The following C9orf43 variants were observed in gnomAD, a reference collection of about 807,000 sequenced individuals.
C9orf43 encodes uncharacterized protein C9orf43.
C9orf43 carries 45 observed loss-of-function variants against 59.1 expected under a neutral mutation model. The observed-to-expected ratio is 0.76, with a 90% CI of 0.60 to 0.98. C9orf43 has a LOEUF of 0.98. Among genes scored for constraint, C9orf43 ranks in the 50% least tolerant of loss-of-function variants. The probability of loss-of-function intolerance (pLI) is 0.00; values close to 1 mark genes in which losing one functional copy is unlikely to be tolerated. For synonymous variants in C9orf43, 203 were observed against 196.8 expected, an observed-to-expected ratio of 1.03 and a Z score of -0.26; for missense variants, 533 against 554.9, an observed-to-expected ratio of 0.96 and a Z score of 0.40.
At position 113,429,185 on chromosome 9, in the gene C9orf43, T is replaced by G; in HGVS notation, c.1185T>G (p.Tyr395Ter). The G allele has an allele frequency of 6.2e-7, 1 of 1,614,118 alleles. No individual in the cohort carries two copies. Among genetic ancestry groups the G allele is most frequent in the Non-Finnish European group, 8.5e-7 (1 of 1,179,982 alleles). Reference protein sequence around the residue: ...FHHSVKSPELYETEPTNKDIS... With the variant: ...FHHSVKSPEL ...ATCTTCTTTTAGGTCCTGAATTGTA[T>G]GAAACAGAACCCACTAACAAGGACA... is the stretch of plus-strand genomic sequence containing the variant. Residue 395 changes from tyrosine to a stop codon, truncating the protein, a stop_gained, in exon 14 of 14, where the codon TAT becomes TAG. Coordinates refer to ENST00000374165, the MANE Select transcript of C9orf43 (RefSeq NM_001278629.2). LOFTEE classifies it low-confidence loss of function (END_TRUNC).
chr9:113,420,000 T>C (rs1015880964), intron 4 of C9orf43, among the ~76,000 whole-genome samples: 3 of 152,202 alleles, frequency 2.0e-5, no homozygotes, highest in Admixed American at 2.0e-4. Flanking sequence ...GGAACTGAGA[T>C]GGTAGATGGT....
At chr9:113,413,696 T>C in intron 2 of C9orf43, 52 bp downstream of exon 2, 1 of 1,611,886 alleles carries the variant, frequency 6.2e-7, no homozygotes, top group Non-Finnish European at 8.5e-7. Context: ...AACGTATTTA[T>C]GTATGTGGCT....
intron 11 of C9orf43, among the ~76,000 whole-genome samples, chr9:113,425,974 T>C (rs1828777997): frequency 6.6e-6 from 1 of 152,144 alleles, no homozygotes; most frequent in African/African-American, 2.4e-5. Context: ...ACCATGAACA[T>C]GAATCCCAGT....
chr9:113,419,328 T>C (rs1032666676), intron 4 of C9orf43, among the ~76,000 whole-genome samples, 163 bp downstream of exon 4: 10 of 152,232 alleles, frequency 6.6e-5, no homozygotes, highest in Admixed American at 4.6e-4. Flanking sequence ...TGCTAGACTC[T>C]GTGCTATCTA....
At chr9:113,422,780 T>G (rs542256432) in intron 6 of C9orf43, among the ~76,000 whole-genome samples, 195 bp downstream of exon 6, 1 of 152,154 alleles carries the variant, frequency 6.6e-6, no homozygotes, top group African/African-American at 2.4e-5. Context: ...CTCCTTCCTA[T>G]AGGGAGATGA....
intron 1 of C9orf43, among the ~76,000 whole-genome samples, chr9:113,411,540 C>T (rs1422416475): frequency 6.6e-6 from 1 of 152,082 alleles, no homozygotes; most frequent in Non-Finnish European, 1.5e-5. Context: ...ACCTCGTGAT[C>T]CGCCCGCCTC....
Position 113,429,263 on chromosome 9 carries a change from G to A in C9orf43, c.1263G>A (p.Lys421=), listed in dbSNP as rs1345592378. Residue 421 remains lysine (K), a synonymous_variant, in exon 14 of 14, where the codon AAG becomes AAA. Transcript: ENST00000374165. The stretch of plus-strand genomic sequence containing the variant: ...AAGCCCAGGCTGCCAGGCAAAAGAA[G>A]ATCTCCTTTAACTTTTCAGAAATTA... ...VPEAQAARQK[K]ISFNFSEIMA... The A allele has an allele frequency of 3.1e-6, 5 of 1,614,114 alleles. No homozygotes were observed. The highest frequency in any genetic ancestry group is 4.2e-6 in the Non-Finnish European group (5 of 1,180,044).
chr9:113,428,197 A>G lies in C9orf43; in HGVS notation c.1081A>G (p.Met361Val), dbSNP rs777938353. 3 of 1,614,210 alleles carry G rather than the reference A, an allele frequency of 1.9e-6. No homozygotes were observed. The highest frequency in any genetic ancestry group is 2.5e-6 in the Non-Finnish European group (3 of 1,180,024). ...CAGTGACATGAAGCAGCAGCAGCAG[A>G]TGGAAAAAGGAACCACTTCGAAACA... ...QNSDMKQQQQ[M>V]EKGTTSKQDS... Residue 361 changes from methionine (M) to valine (V), a missense_variant, in exon 12 of 14, where the codon ATG (methionine) becomes GTG (valine). Transcript: ENST00000374165.
Position 113,422,573 on chromosome 9 carries a change from G to C in C9orf43, c.471G>C (p.Lys157Asn). The C allele has an allele frequency of 6.2e-7, 1 of 1,613,966 alleles. No homozygotes were observed. The highest frequency in any genetic ancestry group is 1.1e-5 in the South Asian group (1 of 91,048). ...GCCAGCATGGGAAGAAGAAAAGAAA[G>C]AACTCGGCAGTGGTGAGTTTGATGT... is the stretch of plus-strand genomic sequence containing the variant. ...HVSQHGKKKR[K>N]NSAVKSKSFL... is the part of the protein sequence containing the mutation. The change falls in exon 6 of 14, where the codon AAG becomes AAC. Residue 157 changes from lysine to asparagine, a missense_variant. Physicochemically the swap from Lys to Asn is moderately conservative, Grantham distance 94. Transcript: ENST00000374165.
intron 3 of C9orf43, among the ~76,000 whole-genome samples, chr9:113,415,147 CT>C (rs931790769): frequency 5.4e-5 from 8 of 148,402 alleles, no homozygotes; most frequent in African/African-American, 2.0e-4. Context: ...TTTCTATTTC[CT>C]TTTTTTTTGG....
chr9:113,423,241 T>C, intron 6 of C9orf43, 85 bp from the exon 7 acceptor site: 2 of 1,324,276 alleles, frequency 1.5e-6, no homozygotes, highest in Non-Finnish European at 2.1e-6. Flanking sequence ...CATGCCAGGG[T>C]AGTGTTGAGA....
intron 10 of C9orf43, 79 bp downstream of exon 10, chr9:113,425,499 G>A (rs1828754851): frequency 6.6e-7 from 1 of 1,522,722 alleles, no homozygotes; most frequent in Non-Finnish European, 8.9e-7. Flanking sequence ...GAAAGGTGGG[G>A]GTCTCCTTGT....
intron 1 of C9orf43, among the ~76,000 whole-genome samples, chr9:113,411,597 C>G (rs1828157149): frequency 6.6e-6 from 1 of 152,184 alleles, no homozygotes; most frequent in African/African-American, 2.4e-5. Flanking sequence ...CCGCGCCCGG[C>G]GCAATGGTGT....
chr9:113,425,149 G>A (rs1828740944), intron 9 of C9orf43, 73 bp downstream of exon 9: 1 of 1,509,568 alleles, frequency 6.6e-7, no homozygotes, highest in African/African-American at 1.4e-5. Context: ...CTTTAACGTG[G>A]TCCAATTCAG....
rs1828249472 is a variant in C9orf43 at position 113,413,572 on chromosome 9, A to G, written c.79A>G (p.Thr27Ala). Residue 27 changes from threonine to alanine, a missense_variant, in exon 2 of 14, where the codon ACT becomes GCT. Coordinates refer to ENST00000374165, the MANE Select transcript of C9orf43 (RefSeq NM_001278629.2). ...AVCQHPQCWA[T>A]IRRIERGHPR... ...TTGTCAGCACCCACAATGCTGGGCAACTATCCGCCGCATTGAGAGGGGCCA... is the reference window on the plus strand; with the variant it reads ...TTGTCAGCACCCACAATGCTGGGCAGCTATCCGCCGCATTGAGAGGGGCCA... 1 of 1,614,120 alleles carries G rather than the reference A, an allele frequency of 6.2e-7. No individual in the cohort carries two copies. Among genetic ancestry groups the G allele is most frequent in the Non-Finnish European group, 8.5e-7 (1 of 1,180,046 alleles).
At chr9:113,426,444 C>T (rs1012943048) in intron 11 of C9orf43, among the ~76,000 whole-genome samples, 2 of 152,172 alleles carry the variant, frequency 1.3e-5, no homozygotes, top group Admixed American at 6.5e-5. Flanking sequence ...TCGTTGTGCC[C>T]GTCTCAGACT....
At chr9:113,417,159 GTCT>G (rs1322147982) in intron 3 of C9orf43, among the ~76,000 whole-genome samples, 1 of 152,100 alleles carries the variant, frequency 6.6e-6, no homozygotes, top group African/African-American at 2.4e-5. Flanking sequence ...TGTCTCCTAT[GTCT>G]TCAACAATGC....
In C9orf43 at chr9:113,427,828, C is replaced by T. The variant is rs151102488; in HGVS notation, c.1031-319C>T. Among the ~76,000 whole-genome samples, 720 of 152,144 alleles carry T rather than the reference C, an allele frequency of 4.7e-3. 3 individuals are homozygous for T. Among genetic ancestry groups the T allele is most frequent in the Middle Eastern group, 0.02 (6 of 294 alleles). On this transcript the variant is annotated intron_variant, in intron 11 of 13. Transcript: ENST00000374165. Reference sequence around the variant, plus strand: ...TTGTTTATGGGTACATGAGGGATGGCGCAAGAAGATGAGTCACATTCTGGT... The same window carrying T: ...TTGTTTATGGGTACATGAGGGATGGTGCAAGAAGATGAGTCACATTCTGGT...
intron 9 of C9orf43, 107 bp downstream of exon 9, chr9:113,425,183 C>T: frequency 2.8e-6 from 4 of 1,443,646 alleles, no homozygotes; most frequent in Non-Finnish European, 3.9e-6. Flanking sequence ...CACAGTCATA[C>T]AGGGTCACAT....
Sources: allele counts gnomAD v4.1 joint callset (sites outside exome capture counted in the v4.1 genomes callset), GRCh38; gene constraint gnomAD v4.1.1; transcripts MANE v1.5; gene names NCBI Gene and HGNC (gene_info 2026-07-23, HGNC 2026-07-21).